TSHZ2: variants seen among roughly 807,000 people sequenced by gnomAD.
TSHZ2 encodes the protein teashirt homolog 2.
In TSHZ2, 21 loss-of-function variants were observed where a neutral mutation model predicts 74.4. The observed-to-expected ratio is 0.28, with a 90% CI of 0.20 to 0.41. The LOEUF (loss-of-function observed/expected upper bound fraction) is 0.41. TSHZ2 is among the 10% of genes least tolerant of loss of function. The pLI, the probability that TSHZ2 is intolerant of heterozygous loss-of-function variation, is 1.00. For missense variants in TSHZ2, 1,244 were observed against 1,293.5 expected (o/e 0.96, Z 0.59); for synonymous variants, 540 against 515.3 (o/e 1.05, Z -0.65).
At chr20:53,103,152 T>G (rs377538022) in intron 1 of TSHZ2, among the ~76,000 whole-genome samples, 259 of 152,238 alleles carry the variant, frequency 1.7e-3, no homozygotes, top group African/African-American at 5.4e-3. Flanking sequence ...GAAGGAACAG[T>G]TTCTCATATT....
intron 1 of TSHZ2, chr20:53,185,324 C>T: frequency 1.8e-6 from 2 of 1,103,914 alleles, no homozygotes; most frequent in Non-Finnish European, 2.2e-6. Context: ...GGCTCTATTG[C>T]AATACATCTG....
intron 1 of TSHZ2, among the ~76,000 whole-genome samples, chr20:52,981,174 G>A (rs999351356): frequency 1.6e-4 from 24 of 152,182 alleles, no homozygotes; most frequent in African/African-American, 5.3e-4. Context: ...ACTGTGGATG[G>A]AACAGCGGAG....
chr20:53,200,372 A>G lies in TSHZ2; in HGVS notation c.41-53127A>G, dbSNP rs186600574. On this transcript the variant is annotated intron_variant, in intron 1 of 2. Transcript: ENST00000371497. The stretch of plus-strand genomic sequence containing the variant: ...AAAACCAGGAAACACCAAGGATGCC[A>G]GTAAGGCTGAGCACAGTGAACGAAG... Among the ~76,000 whole-genome samples, 466 of 152,364 alleles carry G rather than the reference A, an allele frequency of 3.1e-3. 4 individuals carry two copies. The highest frequency in any genetic ancestry group is 0.011 in the African/African-American group (447 of 41,592).
At chr20:53,402,032 C>T (rs1445514154) in intron 2 of TSHZ2, among the ~76,000 whole-genome samples, 1 of 152,124 alleles carries the variant, frequency 6.6e-6, no homozygotes, top group African/African-American at 2.4e-5. Flanking sequence ...ATCTGCCCGC[C>T]TTGGCCTCTC....
rs567615588 is a variant in TSHZ2 at position 53,255,379 on chromosome 20, C to A, written c.1921C>A (p.Pro641Thr). The part of the protein sequence containing the change: ...GDSFRKSETP[P>T]EAKKTELGPL... ...TTCTTTCCGCAAAAGTGAAACACCTCCAGAAGCCAAAAAGACCGAGCTGGG... is the reference window on the plus strand; with the variant it reads ...TTCTTTCCGCAAAAGTGAAACACCTACAGAAGCCAAAAAGACCGAGCTGGG... Residue 641 changes from proline to threonine, a missense_variant, in exon 2 of 3, where the codon CCA becomes ACA. Pro to Thr is a conservative substitution (Grantham distance 38). Coordinates refer to ENST00000371497, the MANE Select transcript of TSHZ2 (RefSeq NM_173485.6). The surrounding 1 kb of genome is among the most constrained non-coding windows in gnomAD (Gnocchi z 4.1). 15 of 1,613,982 alleles carry A rather than the reference C, an allele frequency of 9.3e-6. No homozygotes were observed. The East Asian group carries it at 3.1e-4, about 34-fold the overall frequency.
chr20:53,226,427 G>GGT (rs762992567), intron 1 of TSHZ2, among the ~76,000 whole-genome samples: 4,718 of 149,612 alleles, frequency 0.032, 82 homozygotes, highest in Middle Eastern at 0.068. Flanking sequence ...TGTGTGGGTC[G>GGT]GTGTGTGTAT....
At chr20:53,126,909 A>G (rs1252068320) in intron 1 of TSHZ2, among the ~76,000 whole-genome samples, 1 of 152,122 alleles carries the variant, frequency 6.6e-6, no homozygotes, top group East Asian at 1.9e-4. Context: ...GTAGAGATAA[A>G]TCTGAATCCT....
intron 1 of TSHZ2, among the ~76,000 whole-genome samples, chr20:53,136,061 A>G (rs1170516712): frequency 1.3e-5 from 2 of 152,218 alleles, no homozygotes; most frequent in Admixed American, 6.5e-5. Flanking sequence ...GAGGGGCTGC[A>G]TCTGGTGAGG....
intron 1 of TSHZ2, among the ~76,000 whole-genome samples, chr20:53,233,378 A>G (rs1486590440): frequency 2.0e-5 from 3 of 152,218 alleles, no homozygotes; most frequent in African/African-American, 7.2e-5. Context: ...GAAAAATCCC[A>G]TGAGACTATG....
chr20:53,302,953 C>T (rs778212887), intron 2 of TSHZ2, among the ~76,000 whole-genome samples: 1 of 152,330 alleles, frequency 6.6e-6, no homozygotes, highest in African/African-American at 2.4e-5. Flanking sequence ...AGCTAATTTC[C>T]ACACGCTTGC....
intron 1 of TSHZ2, among the ~76,000 whole-genome samples, chr20:53,063,257 A>G (rs1984876328): frequency 6.6e-6 from 1 of 152,202 alleles, no homozygotes; most frequent in South Asian, 2.1e-4. Flanking sequence ...ACAAATTGAA[A>G]TACCTCTGAA....
At chr20:53,059,715 A>G (rs1984758171) in intron 1 of TSHZ2, among the ~76,000 whole-genome samples, 1 of 152,050 alleles carries the variant, frequency 6.6e-6, no homozygotes, top group Non-Finnish European at 1.5e-5. Context: ...TATCTCACTT[A>G]TTTTGTTTCA....
intron 2 of TSHZ2, among the ~76,000 whole-genome samples, chr20:53,454,561 CA>C (rs1250214885): frequency 0.023 from 2,432 of 104,332 alleles, 30 homozygotes; most frequent in African/African-American, 0.057. Context: ...AACTTGGTCT[CA>C]AAAAAAAAAA....
intron 1 of TSHZ2, among the ~76,000 whole-genome samples, chr20:53,075,226 G>A (rs1190934742): frequency 6.6e-6 from 1 of 152,196 alleles, no homozygotes. Context: ...AAATAAAAAA[G>A]AGACAGGTAG....
chr20:53,372,987 T>C (rs1981532937), intron 2 of TSHZ2, among the ~76,000 whole-genome samples: 1 of 152,018 alleles, frequency 6.6e-6, no homozygotes, highest in Non-Finnish European at 1.5e-5. Context: ...AATGGCCTTT[T>C]CTAACCACAG....
At chr20:53,208,936 G>A (rs1364023747) in intron 1 of TSHZ2, among the ~76,000 whole-genome samples, 1 of 152,176 alleles carries the variant, frequency 6.6e-6, no homozygotes, top group Non-Finnish European at 1.5e-5. Context: ...AGGTTTCCAA[G>A]TATGCATTGC....
chr20:53,086,997 A>G (rs778176762), intron 1 of TSHZ2, among the ~76,000 whole-genome samples: 3 of 152,316 alleles, frequency 2.0e-5, no homozygotes, highest in Admixed American at 6.5e-5. Flanking sequence ...GGAGGGTTTC[A>G]TGCTAGATAG....
chr20:53,307,990 A>G (rs147238934), intron 2 of TSHZ2, among the ~76,000 whole-genome samples: 2 of 152,336 alleles, frequency 1.3e-5, no homozygotes, highest in East Asian at 3.9e-4. Flanking sequence ...TGGACAGAGA[A>G]GGGAGAAAAA....
intron 1 of TSHZ2, among the ~76,000 whole-genome samples, chr20:53,153,848 C>CT (rs1330485466): frequency 6.6e-6 from 1 of 152,174 alleles, no homozygotes; most frequent in East Asian, 1.9e-4. Context: ...CAGCTGATGA[C>CT]TGGCTGGTCT....
Sources: gnomAD v4.1 joint callset for allele counts (sites outside exome capture counted in the v4.1 genomes callset) on GRCh38, gnomAD v4.1.1 for gene constraint, Gnocchi (gnomAD v3.1) non-coding constraint, MANE v1.5 for transcripts, NCBI Gene and HGNC (gene_info 2026-07-23, HGNC 2026-07-21) for gene names.